Variants in GCNT2 observed in about 807,000 individuals in gnomAD.
The protein encoded by GCNT2 is N-acetyllactosaminide beta-1,6-N-acetylglucosaminyl-transferase.
In GCNT2, 34 loss-of-function variants were observed where a neutral mutation model predicts 34.2. The ratio of observed to expected loss-of-function variants is 1.00; its 90% CI spans 0.76 to 1.32. The LOEUF (loss-of-function observed/expected upper bound fraction) is 1.32, where lower values mean the gene tolerates loss of function less well. Among genes scored for constraint, GCNT2 ranks in the 40% most tolerant of loss-of-function variants. GCNT2 has a pLI of 0.00. For missense variants in GCNT2, 584 were observed against 489.4 expected (o/e 1.19, Z -1.82); for synonymous variants, 212 against 188.0 (o/e 1.13, Z -1.04).
chr6:10,537,698 CAAAAAAAAAAAAAAAA>C (rs201257236), intron 3 of GCNT2, among the ~76,000 whole-genome samples: 2 of 83,226 alleles, frequency 2.4e-5, no homozygotes, highest in Non-Finnish European at 2.2e-5. Flanking sequence ...GATTCTGCCG[CAAAAAAAAAAAAAAAA>C]AAAAAAAAAA....
At chr6:10,556,379 T>TGTAAA in intron 3 of GCNT2, 1 of 1,611,780 alleles carries the variant, frequency 6.2e-7, no homozygotes, top group Non-Finnish European at 8.5e-7. Context: ...GAAAAAAGAC[T>TGTAAA]TACAGATTTT....
chr6:10,538,134 G>A (rs111288802), intron 3 of GCNT2, among the ~76,000 whole-genome samples: 16,690 of 151,910 alleles, frequency 0.11, 936 homozygotes, highest in Middle Eastern at 0.14. Context: ...GAGGCCAGGC[G>A]CAGTGGCTCA....
chr6:10,588,275 C>G (rs1159565160), intron 3 of GCNT2, among the ~76,000 whole-genome samples: 2 of 152,208 alleles, frequency 1.3e-5, no homozygotes, highest in Non-Finnish European at 2.9e-5. Flanking sequence ...AGAGCGTTAA[C>G]CCTTTCTTTA....
intron 3 of GCNT2, among the ~76,000 whole-genome samples, chr6:10,537,754 A>G (rs1442738638): frequency 1.3e-5 from 2 of 150,586 alleles, no homozygotes; most frequent in African/African-American, 4.9e-5. Context: ...AAGAAAATGC[A>G]TTTAATGTAC....
chr6:10,572,869 C>G (rs1262351404), intron 3 of GCNT2, among the ~76,000 whole-genome samples: 3 of 152,226 alleles, frequency 2.0e-5, no homozygotes, highest in Non-Finnish European at 4.4e-5. Flanking sequence ...CAGGATGTAT[C>G]TTGGAGGCAA....
intron 3 of GCNT2, among the ~76,000 whole-genome samples, chr6:10,618,001 C>T (rs1449391651): frequency 2.0e-5 from 3 of 151,994 alleles, no homozygotes; most frequent in Admixed American, 6.6e-5. Flanking sequence ...GTGATCCGCC[C>T]GCCTCGGCCT....
At chr6:10,588,339 T>C (rs1047426166) in intron 3 of GCNT2, among the ~76,000 whole-genome samples, 1 of 152,100 alleles carries the variant, frequency 6.6e-6, no homozygotes. Context: ...TTTAATCTTA[T>C]TTTTGTTGGT....
chr6:10,542,328 C>G (rs1025016400), intron 3 of GCNT2, among the ~76,000 whole-genome samples: 3 of 152,140 alleles, frequency 2.0e-5, no homozygotes, highest in African/African-American at 7.2e-5. Context: ...CTTTCCCCCT[C>G]TTAAAGGTAA....
chr6:10,602,783 T>C (rs1765139759), intron 3 of GCNT2, among the ~76,000 whole-genome samples: 1 of 152,198 alleles, frequency 6.6e-6, no homozygotes, highest in African/African-American at 2.4e-5. Context: ...GTGCCTTGTT[T>C]TGAAGGTGAA....
chr6:10,537,733 AAAGAAAACG>A (rs879040939), intron 3 of GCNT2, among the ~76,000 whole-genome samples: 2,178 of 149,066 alleles, frequency 0.015, 27 homozygotes, highest in South Asian at 0.029. Context: ...AAAACAAAAC[AAAGAAAACG>A]AAAGAAAATG....
intron 1 of GCNT2, among the ~76,000 whole-genome samples, chr6:10,522,055 T>G (rs1173522785): frequency 6.6e-6 from 1 of 151,886 alleles, no homozygotes; most frequent in Non-Finnish European, 1.5e-5. Context: ...GCCCGGCTAA[T>G]TTTTGTATCT....
chr6:10,563,780 AT>A (rs1763154108), intron 3 of GCNT2, among the ~76,000 whole-genome samples: 10 of 49,650 alleles, frequency 2.0e-4, no homozygotes, highest in Non-Finnish European at 2.5e-4. Context: ...AAAAAAAAAT[AT>A]ATATATATAT....
chr6:10,538,849 T>C (rs940394692), intron 3 of GCNT2, among the ~76,000 whole-genome samples: 1 of 152,162 alleles, frequency 6.6e-6, no homozygotes, highest in African/African-American at 2.4e-5. Flanking sequence ...GACCCTGTTT[T>C]AATATTCTGT....
Position 10,611,839 on chromosome 6 carries a change from A to T in GCNT2, c.926-9512A>T, listed in dbSNP as rs372633576. On this transcript the variant is annotated intron_variant, in intron 3 of 4. Transcript: ENST00000495262. ...GTATATCAATAAACTTTTGTAAAAA[A>T]TATAAAAGCAATACAACATTAAAGA... Among the ~76,000 whole-genome samples, 41 of 152,364 alleles carry T rather than the reference A, an allele frequency of 2.7e-4. 1 individual carries two copies. Among genetic ancestry groups the T allele is most frequent in the African/African-American group, 9.9e-4 (41 of 41,588 alleles).
intron 1 of GCNT2, among the ~76,000 whole-genome samples, chr6:10,523,010 A>G (rs944978215): frequency 1.3e-5 from 2 of 152,234 alleles, no homozygotes; most frequent in African/African-American, 4.8e-5. Context: ...ATATCTTTTC[A>G]TGTGCAAACG....
chr6:10,599,596 G>C (rs1248844304), intron 3 of GCNT2, among the ~76,000 whole-genome samples: 1 of 152,170 alleles, frequency 6.6e-6, no homozygotes, highest in Non-Finnish European at 1.5e-5. Context: ...CCAGAGAATT[G>C]AGAGCTATGG....
At chr6:10,537,116 TGACA>T (rs1263810181) in intron 3 of GCNT2, among the ~76,000 whole-genome samples, 2 of 152,158 alleles carry the variant, frequency 1.3e-5, no homozygotes, top group African/African-American at 2.4e-5. Context: ...GTAAATGGCC[TGACA>T]GACTTCATTT....
intron 3 of GCNT2, among the ~76,000 whole-genome samples, chr6:10,595,212 G>T (rs1239982642): frequency 6.6e-6 from 1 of 152,062 alleles, no homozygotes; most frequent in Non-Finnish European, 1.5e-5. Flanking sequence ...GGATGTCAAT[G>T]CTATCTATTT....
intron 1 of GCNT2, among the ~76,000 whole-genome samples, chr6:10,523,197 G>A (rs549555697): frequency 3.3e-5 from 5 of 152,052 alleles, no homozygotes; most frequent in Non-Finnish European, 7.4e-5. Context: ...CGAGTCAGGC[G>A]GATCACCTGA....
Sources: allele counts gnomAD v4.1 joint callset (sites outside exome capture counted in the v4.1 genomes callset), GRCh38; gene constraint gnomAD v4.1.1; transcripts MANE v1.5; gene names NCBI Gene and HGNC (gene_info 2026-07-23, HGNC 2026-07-21).